The following UBR3 variants were observed in gnomAD, a reference collection of about 807,000 sequenced individuals.
UBR3 encodes ubiquitin protein ligase E3 component n-recognin 3.
Under a neutral mutation model 243.2 loss-of-function variants are expected in UBR3, and 85 were observed. That is an observed-to-expected ratio of 0.35 (90% CI 0.29 to 0.42). The LOEUF is 0.42. UBR3 is among the 10% of genes least tolerant of loss of function. The pLI is 1.00. For missense variants in UBR3, 1,686 were observed against 2,300.8 expected (o/e 0.73, Z 5.47); for synonymous variants, 748 against 799.8 (o/e 0.94, Z 1.09).
At chr2:169,968,915 G>C (rs2087952332) in intron 24 of UBR3, among the ~76,000 whole-genome samples, 1 of 152,090 alleles carries the variant, frequency 6.6e-6, no homozygotes, top group Admixed American at 6.5e-5. Context: ...TCTTGTTGCA[G>C]TTTTGATTTG....
At position 169,960,697 on chromosome 2, in the gene UBR3, T is replaced by C. The variant is rs377294642; in HGVS notation, c.3634+2171T>C. On this transcript the variant is annotated intron_variant, in intron 24 of 38. Transcript: ENST00000272793. ...AGCACCCCATCCTTCCTTTCCTCTT[T>C]TACCTCTTGCCTTTTTTCAGATACT... Among the ~76,000 whole-genome samples, 3 of 152,282 alleles carry C rather than the reference T, an allele frequency of 2.0e-5. No homozygotes were observed. In the East Asian group the frequency reaches 5.8e-4, roughly 29 times the overall value.
intron 27 of UBR3, among the ~76,000 whole-genome samples, chr2:170,003,512 A>G (rs2089789042): frequency 6.6e-6 from 1 of 152,180 alleles, no homozygotes; most frequent in Non-Finnish European, 1.5e-5. Context: ...TCCAGATACT[A>G]TGATAATCAT....
intron 23 of UBR3, among the ~76,000 whole-genome samples, chr2:169,957,747 A>G (rs1464819166): frequency 6.6e-6 from 1 of 152,190 alleles, no homozygotes; most frequent in Admixed American, 6.5e-5. Flanking sequence ...AAAAAGAAAA[A>G]AAATATTCTT....
intron 10 of UBR3, among the ~76,000 whole-genome samples, chr2:169,908,416 G>A (rs1332400355): frequency 2.6e-5 from 4 of 152,110 alleles, no homozygotes; most frequent in Non-Finnish European, 5.9e-5. Flanking sequence ...TTTTCATAGT[G>A]TACCTTGTTT....
intron 18 of UBR3, among the ~76,000 whole-genome samples, chr2:169,931,536 T>C (rs889364315): frequency 6.6e-6 from 1 of 152,088 alleles, no homozygotes; most frequent in Non-Finnish European, 1.5e-5. Flanking sequence ...AAGGTTGTAA[T>C]TATAGTGGAT....
intron 31 of UBR3, among the ~76,000 whole-genome samples, chr2:170,033,581 A>C (rs73975024): frequency 0.15 from 4,406 of 28,842 alleles, 186 homozygotes; most frequent in Non-Finnish European, 0.17. Context: ...TTCCACACCC[A>C]CCCCCCCCCC....
chr2:169,954,120 A>G (rs886887097), intron 23 of UBR3, among the ~76,000 whole-genome samples: 12 of 152,038 alleles, frequency 7.9e-5, no homozygotes, highest in Non-Finnish European at 1.5e-4. Context: ...GTATTTGAGT[A>G]TGATTTAGAT....
At chr2:170,058,658 G>A (rs2091393249) in intron 33 of UBR3, among the ~76,000 whole-genome samples, 1 of 151,926 alleles carries the variant, frequency 6.6e-6, no homozygotes, top group Non-Finnish European at 1.5e-5. Flanking sequence ...TAGGACTACA[G>A]GCACACACCA....
intron 33 of UBR3, among the ~76,000 whole-genome samples, chr2:170,060,068 A>T (rs887162824): frequency 1.3e-5 from 2 of 152,150 alleles, no homozygotes; most frequent in African/African-American, 4.8e-5. Context: ...CTCTGATCCA[A>T]ACTATCAGTG....
intron 36 of UBR3, among the ~76,000 whole-genome samples, chr2:170,074,890 A>G (rs2091772359): frequency 6.6e-6 from 1 of 152,216 alleles, no homozygotes; most frequent in African/African-American, 2.4e-5. Context: ...GTTTCTAGAA[A>G]GTGCCTCATA....
intron 26 of UBR3, among the ~76,000 whole-genome samples, chr2:169,997,451 G>A (rs887591460): frequency 6.6e-6 from 1 of 152,020 alleles, no homozygotes; most frequent in Non-Finnish European, 1.5e-5. Flanking sequence ...AGCCCCAAGG[G>A]GGTGTCACAG....
At chr2:169,966,808 G>A (rs1290582143) in intron 24 of UBR3, among the ~76,000 whole-genome samples, 1 of 152,110 alleles carries the variant, frequency 6.6e-6, no homozygotes, top group African/African-American at 2.4e-5. Flanking sequence ...TTATATAAAC[G>A]TTGGCTATTG....
chr2:169,939,711 G>T (rs190648775), intron 19 of UBR3, among the ~76,000 whole-genome samples: 1 of 151,876 alleles, frequency 6.6e-6, no homozygotes, highest in African/African-American at 2.4e-5. Flanking sequence ...TTACAGGGGT[G>T]CATCACCATG....
intron 29 of UBR3, chr2:170,013,911 A>G (rs2090157002): frequency 2.1e-6 from 1 of 470,332 alleles, no homozygotes; most frequent in South Asian, 1.6e-5. Flanking sequence ...GAAGGAACAC[A>G]TGCTGGTCTC....
chr2:169,832,014 C>T (rs921684017), intron 1 of UBR3, among the ~76,000 whole-genome samples: 2 of 152,158 alleles, frequency 1.3e-5, no homozygotes, highest in Non-Finnish European at 2.9e-5. Flanking sequence ...CAGTGTCTGA[C>T]TGTTGCCTGT....
intron 29 of UBR3, among the ~76,000 whole-genome samples, chr2:170,010,495 T>G (rs887811965): frequency 6.6e-6 from 1 of 152,182 alleles, no homozygotes; most frequent in South Asian, 2.1e-4. Flanking sequence ...AATCAAACAA[T>G]TTGATTTAAA....
intron 24 of UBR3, among the ~76,000 whole-genome samples, chr2:169,984,958 A>C (rs1415046769): frequency 6.6e-6 from 1 of 152,016 alleles, no homozygotes; most frequent in Non-Finnish European, 1.5e-5. Context: ...ATCTTGGATA[A>C]TGTATTTTGG....
chr2:169,856,268 G>C (rs192276999), intron 1 of UBR3, among the ~76,000 whole-genome samples: 1,758 of 150,696 alleles, frequency 0.012, 49 homozygotes, highest in African/African-American at 0.04. Context: ...CCATATCCCA[G>C]ACGATGGGCA....
chr2:170,005,883 G>T (rs2089895963), intron 27 of UBR3, among the ~76,000 whole-genome samples: 1 of 152,138 alleles, frequency 6.6e-6, no homozygotes, highest in Admixed American at 6.5e-5. Context: ...GAAGGAAAAG[G>T]ATAGTATTGC....
Sources: allele counts gnomAD v4.1 joint callset (sites outside exome capture counted in the v4.1 genomes callset), GRCh38; gene constraint gnomAD v4.1.1; transcripts MANE v1.5; gene names NCBI Gene and HGNC (gene_info 2026-07-23, HGNC 2026-07-21).